FNDC1: variants seen among roughly 807,000 people sequenced by gnomAD.
FNDC1 encodes the protein fibronectin type III domain-containing protein 1.
FNDC1 carries 96 observed loss-of-function variants against 168.0 expected under a neutral mutation model. The observed-to-expected ratio is 0.57, with a 90% confidence interval of 0.48 to 0.68. FNDC1 has a LOEUF of 0.68. Ranked by LOEUF, FNDC1 falls within the 30% of genes least tolerant of loss-of-function variation. The pLI, the probability that FNDC1 is intolerant of heterozygous loss-of-function variation, is 0.00. For missense variants in FNDC1, 2,587 were observed against 2,482.1 expected, an observed-to-expected ratio of 1.04 and a Z score of -0.90; for synonymous variants, 1,099 against 1,025.9, an observed-to-expected ratio of 1.07 and a Z score of -1.36.
intron 4 of FNDC1, among the ~76,000 whole-genome samples, chr6:159,211,845 A>T (rs1782613245): frequency 6.6e-6 from 1 of 152,258 alleles, no homozygotes; most frequent in African/African-American, 2.4e-5. Context: ...CATAGCCTGT[A>T]ATAGATTCGA....
Position 159,225,709 on chromosome 6 carries a change from A to G in FNDC1, c.1059A>G (p.Arg353=), listed in dbSNP as rs1782941832. 2 of 1,609,394 alleles carry G rather than the reference A, an allele frequency of 1.2e-6. No homozygotes were observed. The highest frequency in any genetic ancestry group is 1.1e-5 in the South Asian group (1 of 90,558). The change falls in exon 8 of 23, where the codon AGA becomes AGG. Residue 353 remains arginine (R), a synonymous_variant. Coordinates refer to ENST00000297267, the MANE Select transcript of FNDC1 (RefSeq NM_032532.3). ...AATGGAGTACGTCAGTCTTCCAAAG[A>G]ACACCAGAATCTGGTCTGTATTTGA... The part of the protein sequence containing the change: ...DGKWSTSVFQ[R]TPESAPTTAP...
intron 1 of FNDC1, among the ~76,000 whole-genome samples, chr6:159,182,440 A>G (rs893257385): frequency 6.6e-6 from 1 of 152,170 alleles, no homozygotes; most frequent in Admixed American, 6.5e-5. Flanking sequence ...GCTTCCACAC[A>G]TGGGGAAAAT....
rs115455866 is a variant in FNDC1 at position 159,231,984 on chromosome 6, C to T, written c.1472C>T (p.Pro491Leu). Residue 491 changes from proline to leucine, a missense_variant, in exon 11 of 23, where the codon CCC (proline) becomes CTC (leucine). Pro to Leu is a moderately conservative substitution (Grantham distance 98, BLOSUM62 -3). Transcript: ENST00000297267. ...SPRAPASSQH[P>L]SVPASPQGRN... is the part of the protein sequence containing the mutation. ...AGAGCTCCAGCTTCCTCCCAACACC[C>T]CTCTGTGCCTGCTTCTCCCCAAGGG... 5.5e-4 allele frequency: 880 copies of T among 1,613,990 alleles called. 5 individuals are homozygous for T. The African/African-American group carries it at 0.011, about 20-fold the overall frequency.
intron 18 of FNDC1, among the ~76,000 whole-genome samples, chr6:159,260,426 C>G (rs1254529199): frequency 1.3e-5 from 2 of 152,190 alleles, no homozygotes; most frequent in African/African-American, 2.4e-5. Flanking sequence ...CCAGCACATT[C>G]TCTGTTCCAA....
intron 14 of FNDC1, 61 bp from the exon 15 acceptor site, chr6:159,246,840 T>TTCTGAGAGAACCCTGGAGAAGGAGC (rs1777146523): frequency 1.6e-6 from 2 of 1,230,894 alleles, no homozygotes; most frequent in East Asian, 4.6e-5. Context: ...TGGGGCCTGC[T>TTCTGAGAGAACCCTGGAGAAGGAGC]TCTGAGAGAA....
rs368034028 is a variant in FNDC1, at chr6:159,251,342, G to T, written c.4875G>T (p.Pro1625=). 1.2e-6 allele frequency: 2 copies of T among 1,613,782 alleles called. No homozygotes were observed. Among genetic ancestry groups the T allele is most frequent in the African/African-American group, 2.7e-5 (2 of 74,904 alleles). ...ACCTAAATAAAGACCCATCAGCCCC[G>T]TGCTCTCTGACTGATGCACTGGATC... ...VTYLNKDPSA[P]CSLTDALDHF... is the part of the protein sequence containing the mutation. The change falls in exon 17 of 23, where the codon CCG becomes CCT. Residue 1625 remains proline (P), a synonymous_variant. Transcript: ENST00000297267.
rs373547217 is a variant in FNDC1, at chr6:159,202,936, A to G, written c.460+2355A>G. Among the ~76,000 whole-genome samples, 40 of 152,346 alleles carry G rather than the reference A, an allele frequency of 2.6e-4. No individual in the cohort carries two copies. In the South Asian group the frequency reaches 8.1e-3, roughly 31 times the overall value. ...AGAAAACACAAATTTATTTCTCTTGATTATTGGGTCTAGAAGTCCAAAGTC... is the reference window on the plus strand; with the variant it reads ...AGAAAACACAAATTTATTTCTCTTGGTTATTGGGTCTAGAAGTCCAAAGTC... On this transcript the variant is annotated intron_variant, in intron 4 of 22. Coordinates refer to ENST00000297267, the MANE Select transcript of FNDC1 (RefSeq NM_032532.3).
At position 159,271,469 on chromosome 6, in the gene FNDC1, G is replaced by T; in HGVS notation, c.*27G>T. 1 of 1,531,466 alleles carries T rather than the reference G, an allele frequency of 6.5e-7. No individual in the cohort carries two copies. Among genetic ancestry groups the T allele is most frequent in the Non-Finnish European group, 8.9e-7 (1 of 1,118,604 alleles). 94.9% of individuals were successfully genotyped at this position (1,531,466 alleles called of 1,614,324 possible). A position where few individuals can be genotyped will look rare whatever the true frequency, so the allele number is the denominator to read the frequency against. On this transcript the variant is annotated 3_prime_UTR_variant, in exon 23 of 23. Coordinates refer to ENST00000297267, the MANE Select transcript of FNDC1 (RefSeq NM_032532.3). ...CACAGGACCGTCATGCTGCAAGCTT[G>T]CCCTGCCCAGCCCCACCAACTAAGT...
rs746468686 is a variant in FNDC1, at chr6:159,239,827, A to AACC, written c.4504_4506dup (p.Thr1502dup). The AACC allele has an allele frequency of 2.1e-4, 325 of 1,540,502 alleles. 4 individuals carry two copies. In the South Asian group the frequency reaches 2.8e-3, roughly 13 times the overall value. On this transcript the variant is annotated inframe_insertion, in exon 14 of 23. Coordinates refer to ENST00000297267, the MANE Select transcript of FNDC1 (RefSeq NM_032532.3). ...CCACAGTCCGAACCACTACGCGGAC[A>AACC]ACCACCACCACCACCCCCACACCCA...
chr6:159,219,531 C>T (rs1419697366), intron 5 of FNDC1, among the ~76,000 whole-genome samples: 2 of 152,122 alleles, frequency 1.3e-5, no homozygotes, highest in Admixed American at 6.5e-5. Flanking sequence ...TGGGTGGGCC[C>T]GCTTCCTTGT....
rs765225222 is a variant in FNDC1, at chr6:159,242,509, A to G, written c.4621+2552A>G. Among the ~76,000 whole-genome samples the G allele has an allele frequency of 3.3e-5, 5 of 152,240 alleles. No individual in the cohort carries two copies. The South Asian group carries it at 1.0e-3, about 32-fold the overall frequency. On this transcript the variant is annotated intron_variant, in intron 14 of 22. Transcript: ENST00000297267. ...ACTTAAAAATAAAAATTAAAAAAAG[A>G]AATTAAATTTTAAAAATGTATTAAT... is the stretch of plus-strand genomic sequence containing the variant.
At chr6:159,252,443 G>T (rs1364686163) in intron 17 of FNDC1, among the ~76,000 whole-genome samples, 2 of 152,184 alleles carry the variant, frequency 1.3e-5, no homozygotes, top group Admixed American at 6.5e-5. Context: ...TATCCAAAGA[G>T]CATCTTCTCT....
intron 1 of FNDC1, among the ~76,000 whole-genome samples, chr6:159,171,422 C>A (rs1315044585): frequency 1.3e-5 from 2 of 152,194 alleles, no homozygotes; most frequent in Admixed American, 1.3e-4. Context: ...CATGGGCTCC[C>A]TTTGACAGCA....
At chr6:159,267,660 C>T (rs1013253349) in intron 21 of FNDC1, 144 bp from the exon 22 acceptor site, 1 of 797,042 alleles carries the variant, frequency 1.3e-6, no homozygotes, top group African/African-American at 1.8e-5. Context: ...CCATTATCAC[C>T]ATTTTCAGAC....
At chr6:159,206,746 CA>C (rs952399148) in intron 4 of FNDC1, among the ~76,000 whole-genome samples, 4 of 149,886 alleles carry the variant, frequency 2.7e-5, no homozygotes, top group Admixed American at 2.0e-4. Flanking sequence ...GGGCCTGGGC[CA>C]AAAAAAAAGA....
intron 4 of FNDC1, among the ~76,000 whole-genome samples, chr6:159,214,394 C>T (rs569402773): frequency 3.9e-5 from 6 of 152,228 alleles, no homozygotes; most frequent in Admixed American, 2.6e-4. Flanking sequence ...AGGATAGCAG[C>T]GATGGTGTAG....
chr6:159,235,491 C>T (rs1338898603), intron 11 of FNDC1, among the ~76,000 whole-genome samples: 4 of 151,978 alleles, frequency 2.6e-5, no homozygotes, highest in Non-Finnish European at 5.9e-5. Flanking sequence ...GCAGGAACTC[C>T]ATAAATATTT....
At chr6:159,196,800 G>A (rs1782249219) in intron 1 of FNDC1, among the ~76,000 whole-genome samples, 1 of 152,200 alleles carries the variant, frequency 6.6e-6, no homozygotes, top group Non-Finnish European at 1.5e-5. Context: ...AACCTCATAA[G>A]TCAAGATAAA....
In FNDC1 at chr6:159,205,406, T is replaced by C. The variant is rs1183433236; in HGVS notation, c.460+4825T>C. 3.3e-5 allele frequency among the ~76,000 whole-genome samples: 5 copies of C among 152,188 alleles called. No homozygotes were observed. The East Asian group carries it at 9.6e-4, about 29-fold the overall frequency. On this transcript the variant is annotated intron_variant, in intron 4 of 22. Transcript: ENST00000297267. Reference sequence around the variant, plus strand: ...TATTTAAATATGACTGATGTGGAAGTTGAAAACTCTAAACCTAGTGTCTTG... The same window carrying C: ...TATTTAAATATGACTGATGTGGAAGCTGAAAACTCTAAACCTAGTGTCTTG...
Sources: allele counts gnomAD v4.1 joint callset (sites outside exome capture counted in the v4.1 genomes callset), GRCh38; gene constraint gnomAD v4.1.1; transcripts MANE v1.5; gene names NCBI Gene and HGNC (gene_info 2026-07-23, HGNC 2026-07-21).